Variants in EPHA6 observed in about 807,000 individuals in gnomAD.
The protein encoded by EPHA6 is EPH receptor A6.
In EPHA6, 50 loss-of-function variants were observed where a neutral mutation model predicts 112.0. The ratio of observed to expected loss-of-function variants is 0.45; its 90% CI spans 0.36 to 0.56. The LOEUF (loss-of-function observed/expected upper bound fraction) is 0.56. EPHA6 is among the 20% of genes least tolerant of loss of function. The probability of loss-of-function intolerance (pLI) is 0.00; values close to 1 mark genes in which losing one functional copy is unlikely to be tolerated. For missense variants in EPHA6, 1,280 were observed against 1,417.4 expected (o/e 0.90, Z 1.56); for synonymous variants, 529 against 490.7 (o/e 1.08, Z -1.03).
chr3:97,504,799 C>A (rs547760863), intron 10 of EPHA6, among the ~76,000 whole-genome samples: 1 of 152,092 alleles, frequency 6.6e-6, no homozygotes, highest in African/African-American at 2.4e-5. Context: ...TGAAATTATA[C>A]CCTATAGTAT....
At chr3:96,868,090 A>T (rs2107460096) in intron 2 of EPHA6, among the ~76,000 whole-genome samples, 1 of 151,794 alleles carries the variant, frequency 6.6e-6, no homozygotes, top group Non-Finnish European at 1.5e-5. Context: ...TGTTGAGTAT[A>T]TTAAGTGGGT....
At chr3:97,539,879 T>G (rs561258154) in intron 11 of EPHA6, among the ~76,000 whole-genome samples, 6 of 152,214 alleles carry the variant, frequency 3.9e-5, no homozygotes, top group Admixed American at 6.5e-5. Context: ...GTAGCTCCCA[T>G]GAAGAATGTG....
chr3:97,369,361 T>A (rs1043251335), intron 5 of EPHA6, among the ~76,000 whole-genome samples: 1 of 152,180 alleles, frequency 6.6e-6, no homozygotes, highest in Non-Finnish European at 1.5e-5. Flanking sequence ...TGGCTTGGAC[T>A]GGAGTGGTGG....
chr3:97,275,587 C>G (rs1394541552), intron 5 of EPHA6, among the ~76,000 whole-genome samples: 1 of 152,064 alleles, frequency 6.6e-6, no homozygotes, highest in Admixed American at 6.6e-5. Flanking sequence ...CCTGAACTAA[C>G]CTGTAAGGCT....
At chr3:97,015,050 G>T (rs1027138282) in intron 3 of EPHA6, among the ~76,000 whole-genome samples, 1 of 152,064 alleles carries the variant, frequency 6.6e-6, no homozygotes, top group African/African-American at 2.4e-5. Context: ...GAAAATTATT[G>T]ACACAAGTTT....
At chr3:97,410,917 A>G (rs1210422676) in intron 6 of EPHA6, among the ~76,000 whole-genome samples, 2 of 152,096 alleles carry the variant, frequency 1.3e-5, no homozygotes, top group Non-Finnish European at 2.9e-5. Context: ...TAGATTTTAC[A>G]TGATTTGTAG....
Position 97,405,230 on chromosome 3 carries a change from T to C in EPHA6, c.1687T>C (p.Ser563Pro), listed in dbSNP as rs374017770. 5 of 1,611,190 alleles carry C rather than the reference T, an allele frequency of 3.1e-6. No individual in the cohort carries two copies. The East Asian group carries it at 8.9e-5, about 29-fold the overall frequency. Residue 563 changes from serine to proline, a missense_variant, in exon 6 of 18, where the codon TCC (serine) becomes CCC (proline). Ser to Pro is a moderately conservative substitution (Grantham distance 74). This residue lies in a region of EPHA6 where 878 missense variants were observed against 999.7 expected (regional missense o/e 0.88). Transcript: ENST00000389672. Reference sequence around the variant, plus strand: ...CCTATCATGGCAAGCACCTGCTTTTTCCAATGGAGCCATTCTGGACTACGA... The same window carrying C: ...CCTATCATGGCAAGCACCTGCTTTTCCCAATGGAGCCATTCTGGACTACGA... ...IALSWQAPAF[S>P]NGAILDYEIK...
chr3:96,844,796 GATCAAGACAGAT>G (rs2034973562), intron 1 of EPHA6, among the ~76,000 whole-genome samples: 1 of 151,894 alleles, frequency 6.6e-6, no homozygotes, highest in Non-Finnish European at 1.5e-5. Flanking sequence ...GAAAGTGTGT[GATCAAGACAGAT>G]GTCAAGAAGG....
intron 17 of EPHA6, 45 bp from the exon 18 acceptor site, chr3:97,748,542 T>C: frequency 2.2e-6 from 2 of 898,526 alleles, no homozygotes; most frequent in Non-Finnish European, 3.7e-6. Context: ...TCTCTCTTTC[T>C]TGCTCTCACT....
intron 14 of EPHA6, among the ~76,000 whole-genome samples, chr3:97,676,836 C>T (rs933884219): frequency 6.6e-6 from 1 of 152,088 alleles, no homozygotes; most frequent in Non-Finnish European, 1.5e-5. Context: ...TTTTCTCCAT[C>T]ATGTTGGAGA....
chr3:97,603,786 A>G (rs1263300487), intron 12 of EPHA6, among the ~76,000 whole-genome samples: 3 of 151,930 alleles, frequency 2.0e-5, no homozygotes, highest in Admixed American at 1.3e-4. Context: ...ACTCTACCCT[A>G]AGAGAAACCA....
chr3:97,745,066 C>A (rs1461991537), intron 16 of EPHA6, among the ~76,000 whole-genome samples: 1 of 151,784 alleles, frequency 6.6e-6, no homozygotes, highest in African/African-American at 2.4e-5. Context: ...TGAAACTGGT[C>A]AAATAATTTA....
At chr3:97,672,142 C>A (rs2030912196) in intron 14 of EPHA6, among the ~76,000 whole-genome samples, 1 of 152,074 alleles carries the variant, frequency 6.6e-6, no homozygotes, top group Admixed American at 6.6e-5. Context: ...CATTTCCTGC[C>A]CAAAGGGACT....
intron 5 of EPHA6, among the ~76,000 whole-genome samples, chr3:97,300,775 A>G (rs1231499433): frequency 1.3e-5 from 2 of 152,092 alleles, no homozygotes; most frequent in African/African-American, 2.4e-5. Context: ...ATTGAGAGCT[A>G]TAGGATAGCA....
In EPHA6 at chr3:96,871,938, A is replaced by G. The variant is rs553275862; in HGVS notation, c.450+5049A>G. Among the ~76,000 whole-genome samples, 8 of 152,130 alleles carry G rather than the reference A, an allele frequency of 5.3e-5. No homozygotes were observed. In the East Asian group the frequency reaches 1.5e-3, roughly 29 times the overall value. ...GGCCTCTTAAAAGATGCTGAATCGA[A>G]TTAACCAGGAGATAGAATTTGAAGG... On this transcript the variant is annotated intron_variant, in intron 2 of 17. Transcript: ENST00000389672.
intron 13 of EPHA6, among the ~76,000 whole-genome samples, chr3:97,628,359 T>C (rs1179883398): frequency 6.6e-6 from 1 of 151,996 alleles, no homozygotes; most frequent in Non-Finnish European, 1.5e-5. Flanking sequence ...AACTGTTTCC[T>C]AAGGTTATTG....
chr3:97,050,540 C>A (rs982065198), intron 3 of EPHA6, among the ~76,000 whole-genome samples: 1 of 151,980 alleles, frequency 6.6e-6, no homozygotes, highest in Non-Finnish European at 1.5e-5. Flanking sequence ...GCTTTGAGAG[C>A]ATTAAAAATA....
chr3:97,270,392 C>T (rs745655302), intron 5 of EPHA6, among the ~76,000 whole-genome samples: 1 of 152,084 alleles, frequency 6.6e-6, no homozygotes, highest in South Asian at 2.1e-4. Context: ...TCTTTTTATC[C>T]TCCAAAGACC....
intron 5 of EPHA6, among the ~76,000 whole-genome samples, chr3:97,277,614 T>A (rs529755334): frequency 1.8e-4 from 28 of 152,316 alleles, no homozygotes; most frequent in South Asian, 1.7e-3. Flanking sequence ...CAAACCTGTA[T>A]AGCTTGTTAC....
Sources: allele counts gnomAD v4.1 joint callset (sites outside exome capture counted in the v4.1 genomes callset), GRCh38; gene constraint gnomAD v4.1.1; regional missense constraint gnomAD v4.1.1; transcripts MANE v1.5; gene names NCBI Gene and HGNC (gene_info 2026-07-23, HGNC 2026-07-21).